The following LIN28B variants were observed in gnomAD, a reference collection of about 807,000 sequenced individuals.
LIN28B encodes protein lin-28 homolog B.
In LIN28B, 5 loss-of-function variants were observed where a neutral mutation model predicts 21.9. The ratio of observed to expected loss-of-function variants is 0.23; its 90% CI spans 0.12 to 0.48. The LOEUF (loss-of-function observed/expected upper bound fraction) is 0.48, where lower values mean the gene tolerates loss of function less well. Ranked by LOEUF, LIN28B falls within the 20% of genes least tolerant of loss-of-function variation. The probability of loss-of-function intolerance (pLI) is 0.98; values close to 1 mark genes in which losing one functional copy is unlikely to be tolerated. For missense variants in LIN28B, 245 were observed against 310.5 expected (o/e 0.79, Z 1.58); for synonymous variants, 109 against 111.3 (o/e 0.98, Z 0.13).
chr6:104,991,823 C>A (rs1487424985), intron 2 of LIN28B, among the ~76,000 whole-genome samples: 5 of 152,164 alleles, frequency 3.3e-5, no homozygotes, highest in African/African-American at 1.2e-4. Context: ...CCAGCCCGGC[C>A]AACACAGCGA....
At chr6:104,978,627 C>T (rs920836452) in intron 2 of LIN28B, among the ~76,000 whole-genome samples, 6 of 151,378 alleles carry the variant, frequency 4.0e-5, no homozygotes, top group African/African-American at 1.2e-4. Flanking sequence ...CAGAGTGAGT[C>T]CGATAAAAGG....
chr6:105,061,867 G>GT (rs923776528), intron 3 of LIN28B, among the ~76,000 whole-genome samples: 27 of 150,528 alleles, frequency 1.8e-4, no homozygotes, highest in East Asian at 7.8e-4. Flanking sequence ...AAACTTAGGG[G>GT]TTTTTTTTTC....
chr6:104,993,991 A>G (rs1770547338), intron 2 of LIN28B, among the ~76,000 whole-genome samples: 1 of 152,046 alleles, frequency 6.6e-6, no homozygotes, highest in Non-Finnish European at 1.5e-5. Flanking sequence ...AAACTATACC[A>G]GTTCTTGATA....
intron 2 of LIN28B, among the ~76,000 whole-genome samples, chr6:105,015,389 T>A (rs1417560206): frequency 4.6e-5 from 7 of 152,176 alleles, no homozygotes; most frequent in Non-Finnish European, 8.8e-5. Context: ...GTGCTCTGAT[T>A]TTTTATTTTT....
intron 3 of LIN28B, among the ~76,000 whole-genome samples, chr6:105,053,510 C>T (rs1420609166): frequency 6.6e-6 from 1 of 151,488 alleles, no homozygotes; most frequent in Admixed American, 6.6e-5. Context: ...ACATTGTTTG[C>T]TTCATGTGCT....
intron 3 of LIN28B, among the ~76,000 whole-genome samples, chr6:105,027,327 C>A (rs767320067): frequency 1.3e-5 from 2 of 152,050 alleles, no homozygotes; most frequent in Admixed American, 6.6e-5. Flanking sequence ...TTTTTAAAAT[C>A]TTTTCCAGTT....
intron 2 of LIN28B, among the ~76,000 whole-genome samples, chr6:104,976,354 G>A (rs1411078044): frequency 1.3e-5 from 2 of 152,148 alleles, no homozygotes; most frequent in Non-Finnish European, 2.9e-5. Context: ...CAGTAGATTT[G>A]TGATGAAGAA....
intron 3 of LIN28B, chr6:105,058,006 T>C: frequency 2.7e-6 from 1 of 366,576 alleles, no homozygotes; most frequent in Non-Finnish European, 5.2e-6. Flanking sequence ...CTTATTTATT[T>C]AATTATTTTG....
chr6:104,971,402 A>G (rs1374189009), intron 2 of LIN28B, among the ~76,000 whole-genome samples: 1 of 152,196 alleles, frequency 6.6e-6, no homozygotes, highest in African/African-American at 2.4e-5. Context: ...TCTTCCTATC[A>G]GTCCAAGATA....
At chr6:105,062,910 C>T (rs1772149735) in intron 3 of LIN28B, among the ~76,000 whole-genome samples, 1 of 151,288 alleles carries the variant, frequency 6.6e-6, no homozygotes, top group African/African-American at 2.4e-5. Context: ...TCAGTCAGTG[C>T]CTTAAGCATT....
At chr6:104,988,088 AG>A (rs1770385136) in intron 2 of LIN28B, among the ~76,000 whole-genome samples, 1 of 152,104 alleles carries the variant, frequency 6.6e-6, no homozygotes, top group East Asian at 1.9e-4. Context: ...TTGATTCACT[AG>A]CTTGTTGACT....
intron 2 of LIN28B, among the ~76,000 whole-genome samples, chr6:104,991,935 GT>G (rs1770492348): frequency 6.6e-6 from 1 of 151,732 alleles, no homozygotes; most frequent in Non-Finnish European, 1.5e-5. Flanking sequence ...AGGCAGGGAG[GT>G]TGCAGTGAGC....
chr6:104,956,894 C>A (rs1778297957), upstream of LIN28B, among the ~76,000 whole-genome samples: 1 of 152,112 alleles, frequency 6.6e-6, no homozygotes, highest in Admixed American at 6.5e-5. Flanking sequence ...CCTAAAGAAG[C>A]GTTCCAAATT....
At chr6:105,031,540 C>CT (rs1304191296) in intron 3 of LIN28B, among the ~76,000 whole-genome samples, 40 of 142,112 alleles carry the variant, frequency 2.8e-4, no homozygotes, top group East Asian at 2.0e-3. Flanking sequence ...TCTTTTTTTT[C>CT]TTTTTTTTTT....
upstream of LIN28B, among the ~76,000 whole-genome samples, chr6:104,953,874 A>G (rs2114558008): frequency 6.6e-6 from 1 of 150,780 alleles, no homozygotes; most frequent in Non-Finnish European, 1.5e-5. Flanking sequence ...GAACCGAAGC[A>G]TTGTTTCTGC....
chr6:104,977,297 C>T (rs1264755391), intron 2 of LIN28B, among the ~76,000 whole-genome samples: 3 of 152,182 alleles, frequency 2.0e-5, no homozygotes, highest in Non-Finnish European at 4.4e-5. Context: ...CTCCCAAATT[C>T]CTTCCTACAT....
At chr6:105,070,694 AT>A (rs943420174) in intron 3 of LIN28B, among the ~76,000 whole-genome samples, 2 of 150,294 alleles carry the variant, frequency 1.3e-5, no homozygotes, top group Non-Finnish European at 3.0e-5. Flanking sequence ...GTAGAGGATG[AT>A]TGGGTTTGGG....
intron 2 of LIN28B, among the ~76,000 whole-genome samples, chr6:104,982,771 A>G (rs976041841): frequency 1.3e-5 from 2 of 152,086 alleles, no homozygotes; most frequent in Non-Finnish European, 2.9e-5. Flanking sequence ...AAATTTAAAG[A>G]TCTTTTAAAC....
intron 2 of LIN28B, among the ~76,000 whole-genome samples, chr6:104,996,534 C>T (rs1243386721): frequency 6.6e-6 from 1 of 152,124 alleles, no homozygotes; most frequent in East Asian, 1.9e-4. Context: ...TTAGCAAAGG[C>T]TTAGAGGCAG....
Sources: allele counts gnomAD v4.1 joint callset (sites outside exome capture counted in the v4.1 genomes callset), GRCh38; gene constraint gnomAD v4.1.1; transcripts MANE v1.5; gene names NCBI Gene and HGNC (gene_info 2026-07-23, HGNC 2026-07-21).